The following REPS2 variants were observed in gnomAD, a reference collection of about 807,000 sequenced individuals.
The protein encoded by REPS2 is RALBP1 associated Eps domain containing 2, also known as ralBP1-associated Eps domain-containing protein 2.
In REPS2, 23 loss-of-function variants were observed where a neutral mutation model predicts 53.6. The observed-to-expected ratio is 0.43, with a 90% CI of 0.31 to 0.61. The LOEUF (loss-of-function observed/expected upper bound fraction) is 0.61. Ranked by LOEUF, REPS2 falls within the 20% of genes least tolerant of loss-of-function variation. The pLI is 0.11. For synonymous variants in REPS2, 238 were observed against 218.6 expected, an observed-to-expected ratio of 1.09 and a Z score of -0.78; for missense variants, 446 against 534.9, an observed-to-expected ratio of 0.83 and a Z score of 1.64.
chrX:17,093,614 A>G (rs1195472288), intron 13 of REPS2, among the ~76,000 whole-genome samples: 3 of 110,635 alleles, frequency 2.7e-5, no homozygotes. Flanking sequence ...TCTAAATAGC[A>G]TATTTGTGTA....
At chrX:17,169,950 C>T in the REPS2 span, among the ~76,000 whole-genome samples, 6 of 112,331 alleles carry the variant, frequency 5.3e-5, no homozygotes, top group Non-Finnish European at 1.1e-4. Context: ...TTGGATGATA[C>T]CCAGGCAATC....
the REPS2 span, among the ~76,000 whole-genome samples, chrX:17,167,255 A>G: frequency 1.8e-5 from 2 of 112,273 alleles, no homozygotes; most frequent in Non-Finnish European, 3.8e-5. Flanking sequence ...TAGGATTATG[A>G]GGGAGCACTA....
intron 17 of REPS2, among the ~76,000 whole-genome samples, chrX:17,145,969 C>T (rs1000583207): frequency 5.5e-5 from 6 of 109,617 alleles, no homozygotes; most frequent in Admixed American, 9.7e-5. Context: ...ATTAGCCGGG[C>T]GTGGTGGCGG....
chrX:17,046,945 G>A (rs2061916339), intron 5 of REPS2, among the ~76,000 whole-genome samples: 2 of 112,185 alleles, frequency 1.8e-5, no homozygotes, highest in Admixed American at 1.9e-4. Context: ...TGTGGTTATA[G>A]TTGTTCTAGT....
chrX:16,996,731 A>C (rs2061239235), intron 1 of REPS2, among the ~76,000 whole-genome samples: 1 of 112,027 alleles, frequency 8.9e-6, no homozygotes, highest in Non-Finnish European at 1.9e-5. Context: ...CTGAGACTGA[A>C]CTTCCATTCA....
At position 16,946,698 on chromosome X, in the gene REPS2, G is replaced by A. The variant is rs1201505830; in HGVS notation, c.-164G>A. 3 of 536,228 alleles carry A rather than the reference G, an allele frequency of 5.6e-6. No homozygotes were observed. Among genetic ancestry groups the A allele is most frequent in the East Asian group, 1.9e-4 (1 of 5,312 alleles). 44.2% of individuals were successfully genotyped at this position (536,228 alleles called of 1,213,427 possible). Reference sequence around the variant, plus strand: ...GGGTGGGGCCGGCGCGCGCCGGGAGGAAGCGGCCGCGCGGCAGCTGCGGGG... The same window carrying A: ...GGGTGGGGCCGGCGCGCGCCGGGAGAAAGCGGCCGCGCGGCAGCTGCGGGG... On this transcript the variant is annotated 5_prime_UTR_variant, in exon 1 of 18. Coordinates refer to ENST00000357277, the MANE Select transcript of REPS2 (RefSeq NM_004726.3).
chrX:17,190,195 A>T, the REPS2 span, among the ~76,000 whole-genome samples: 2 of 112,077 alleles, frequency 1.8e-5, no homozygotes, highest in African/African-American at 6.5e-5. Context: ...AGGAAGAAAT[A>T]GAGTTCATTC....
chrX:16,989,942 C>G (rs1272918695), intron 1 of REPS2, among the ~76,000 whole-genome samples: 1 of 111,935 alleles, frequency 8.9e-6, no homozygotes, highest in African/African-American at 3.2e-5. Context: ...GGCATTTATC[C>G]CAGAGAAGTG....
In REPS2 at chrX:17,011,057, CTGTGTGTGTGTGTGTG is replaced by C. The variant is rs60541913; in HGVS notation, c.397+4741_397+4756del. On this transcript the variant is annotated intron_variant, in intron 2 of 17. Transcript: ENST00000357277. ...AGCATTTTTAAGAGCTTTGCTTAAA[CTGTGTGTGTGTGTGTG>C]TGTGTGTGTGTGTGTGTGTGTGTGT... Among the ~76,000 whole-genome samples the C allele has an allele frequency of 6.2e-3, 635 of 102,550 alleles. 3 individuals are homozygous for C. The highest frequency in any genetic ancestry group is 0.022 in the African/African-American group (607 of 27,715). The allele number at this position is 102,550 out of a possible 115,157, so 89.1% of individuals were successfully genotyped here. A position where few individuals can be genotyped will look rare whatever the true frequency, so the allele number is the denominator to read the frequency against.
rs1335258374 is a variant in REPS2, at chrX:16,946,776, G to T, written c.-86G>T. On this transcript the variant is annotated 5_prime_UTR_variant, in exon 1 of 18. Coordinates refer to ENST00000357277, the MANE Select transcript of REPS2 (RefSeq NM_004726.3). The stretch of plus-strand genomic sequence containing the variant: ...GGTGGCGGCGGCGGCGGCGGCGGCA[G>T]CTGAGGCCGAGGAGGCGGTGGCTGT... 4.0e-6 allele frequency: 3 copies of T among 758,035 alleles called. No homozygotes were observed. Among genetic ancestry groups the T allele is most frequent in the Non-Finnish European group, 4.6e-6 (3 of 645,457 alleles). The allele number at this position is 758,035 out of a possible 1,213,427, so 62.5% of individuals were successfully genotyped here.
intron 1 of REPS2, among the ~76,000 whole-genome samples, chrX:16,962,773 A>G (rs1251479215): frequency 2.7e-5 from 3 of 112,163 alleles, no homozygotes; most frequent in African/African-American, 9.7e-5. Context: ...CATGTCATAC[A>G]TGTTAAAGTT....
At chrX:17,068,285 G>C (rs1259352274) in intron 9 of REPS2, 117 bp from the exon 10 acceptor site, 1 of 429,226 alleles carries the variant, frequency 2.3e-6, no homozygotes, top group African/African-American at 2.5e-5. Flanking sequence ...CTGCACTCCA[G>C]CCTGGGCGAC....
chrX:17,157,857 A>T (rs943255875), downstream of REPS2, among the ~76,000 whole-genome samples: 7 of 112,029 alleles, frequency 6.2e-5, no homozygotes, highest in Non-Finnish European at 3.8e-5. Context: ...TCAGGTGGCA[A>T]TATAAATTGA....
chrX:16,968,155 G>A (rs1023427232), intron 1 of REPS2, among the ~76,000 whole-genome samples: 5 of 111,216 alleles, frequency 4.5e-5, no homozygotes, highest in Non-Finnish European at 9.5e-5. Context: ...CACCGGGTTG[G>A]GGGTAAGGTC....
intron 2 of REPS2, among the ~76,000 whole-genome samples, chrX:17,020,266 G>A (rs961784618): frequency 8.9e-6 from 1 of 112,298 alleles, no homozygotes; most frequent in African/African-American, 3.2e-5. Context: ...CACTGGTCAG[G>A]GAGCTTATAA....
At chrX:17,186,646 C>T in the REPS2 span, among the ~76,000 whole-genome samples, 3 of 111,522 alleles carry the variant, frequency 2.7e-5, no homozygotes, top group Non-Finnish European at 5.7e-5. Flanking sequence ...TTATTTAATC[C>T]CCACCATAGC....
chrX:16,951,124 C>A (rs750089376), intron 1 of REPS2, among the ~76,000 whole-genome samples: 1 of 112,188 alleles, frequency 8.9e-6, no homozygotes, highest in Non-Finnish European at 1.9e-5. Context: ...ACACACTATG[C>A]CTTCTAGTAA....
At chrX:17,103,850 C>A in intron 14 of REPS2, 71 bp downstream of exon 14, 2 of 985,918 alleles carry the variant, frequency 2.0e-6, no homozygotes, top group South Asian at 2.0e-5. Context: ...TGCTTCTTTG[C>A]AAGGGTTGAT....
rs745523683 is a variant in REPS2 at position 16,977,349 on chromosome X, A to G, written c.274-28872A>G. 9.9e-5 allele frequency among the ~76,000 whole-genome samples: 11 copies of G among 110,839 alleles called. No individual in the cohort carries two copies. The South Asian group carries it at 4.3e-3, about 43-fold the overall frequency. On this transcript the variant is annotated intron_variant, in intron 1 of 17. Transcript: ENST00000357277. ...TCCTGAGCCAGCTGGAAGGACTTTCATTCACTTTCTACTCTTGTCTGAAGA... is the reference window on the plus strand; with the variant it reads ...TCCTGAGCCAGCTGGAAGGACTTTCGTTCACTTTCTACTCTTGTCTGAAGA...
Sources: allele counts gnomAD v4.1 joint callset (sites outside exome capture counted in the v4.1 genomes callset), GRCh38; gene constraint gnomAD v4.1.1; transcripts MANE v1.5; gene names NCBI Gene and HGNC (gene_info 2026-07-23, HGNC 2026-07-21).